Variants in KMT2E observed in about 807,000 individuals in gnomAD.
KMT2E encodes lysine methyltransferase 2E (inactive).
A neutral mutation model predicts 184.6 loss-of-function variants in KMT2E; 30 were observed. That is an observed-to-expected ratio of 0.16 (90% CI 0.12 to 0.22). KMT2E has a LOEUF of 0.22. KMT2E is among the 10% of genes least tolerant of loss of function. The pLI, the probability that KMT2E is intolerant of heterozygous loss-of-function variation, is 1.00. For missense variants in KMT2E, 2,023 were observed against 2,237.4 expected, an observed-to-expected ratio of 0.90 and a Z score of 1.93; for synonymous variants, 815 against 776.5, an observed-to-expected ratio of 1.05 and a Z score of -0.82.
chr7:105,027,688 A>G (rs1000316704), intron 1 of KMT2E, among the ~76,000 whole-genome samples: 4 of 151,986 alleles, frequency 2.6e-5, no homozygotes, highest in African/African-American at 7.2e-5. Flanking sequence ...TTGTTTTTCT[A>G]TTTACATTAC....
Position 105,014,330 on chromosome 7 carries a change from G to A in KMT2E, c.-394G>A, listed in dbSNP as rs1794617617. The A allele has an allele frequency of 6.4e-6, 1 of 155,938 alleles. No homozygotes were observed. The highest frequency in any genetic ancestry group is 1.4e-5 in the Non-Finnish European group (1 of 70,080). 9.7% of individuals were successfully genotyped at this position (155,938 alleles called of 1,614,324 possible). A position where few individuals can be genotyped will look rare whatever the true frequency, so the allele number is the denominator to read the frequency against. On this transcript the variant is annotated 5_prime_UTR_variant, in exon 1 of 27. Transcript: ENST00000311117. ...GCCTCGCCGTCGTCTCTGCGTTCCTGTTGACTGCCTGGCTGCCCCCTCCCC... is the reference window on the plus strand; with the variant it reads ...GCCTCGCCGTCGTCTCTGCGTTCCTATTGACTGCCTGGCTGCCCCCTCCCC...
chr7:105,036,816 A>C (rs995977182), intron 1 of KMT2E, among the ~76,000 whole-genome samples: 5 of 152,194 alleles, frequency 3.3e-5, no homozygotes, highest in African/African-American at 1.2e-4. Flanking sequence ...GTTTTTTAGA[A>C]TCTAAAATTC....
intron 1 of KMT2E, among the ~76,000 whole-genome samples, chr7:105,019,685 TC>T (rs1794865959): frequency 6.6e-6 from 1 of 152,176 alleles, no homozygotes. Context: ...TAAGCAATGA[TC>T]TATGTAGCTT....
At chr7:105,040,455 T>C (rs1795830478) in intron 2 of KMT2E, among the ~76,000 whole-genome samples, 1 of 152,196 alleles carries the variant, frequency 6.6e-6, no homozygotes, top group East Asian at 1.9e-4. Flanking sequence ...AAAAGCTGAT[T>C]ATGGTGCTTA....
intron 15 of KMT2E, among the ~76,000 whole-genome samples, chr7:105,096,247 C>CA (rs11330758): frequency 0.065 from 4,443 of 68,404 alleles, 110 homozygotes; most frequent in Non-Finnish European, 0.077. Flanking sequence ...GTGAAAGGCT[C>CA]AAAAAAAAAA....
At position 105,014,208 on chromosome 7, in the gene KMT2E, G is replaced by C. The variant is rs1361055212; in HGVS notation, c.-516G>C. The C allele has an allele frequency of 1.0e-5, 2 of 200,658 alleles. No individual in the cohort carries two copies. The highest frequency in any genetic ancestry group is 2.4e-5 in the African/African-American group (1 of 42,044). The allele number at this position is 200,658 out of a possible 1,614,324, so 12.4% of individuals were successfully genotyped here. On this transcript the variant is annotated 5_prime_UTR_variant, in exon 1 of 27. Transcript: ENST00000311117. ...CCGCCGCCGCCGCCATTTTCCCAGA[G>C]CGAGAGGCAGTGACACTGAGCGGGC...
rs149990670 is a variant in KMT2E at position 105,111,918 on chromosome 7, G to A, written c.4162G>A (p.Glu1388Lys). 5.9e-5 allele frequency: 96 copies of A among 1,613,978 alleles called. No individual in the cohort carries two copies. The highest frequency in any genetic ancestry group is 7.6e-5 in the Non-Finnish European group (90 of 1,180,026). ...PQWDSTVSAS[E>K]AENGVHLKTE... The stretch of plus-strand genomic sequence containing the variant: ...ATGGGACTCCACAGTTAGTGCATCC[G>A]AAGCTGAAAATGGTGTTCACCTAAA... The change falls in exon 27 of 27, where the codon GAA (glutamate) becomes AAA (lysine). Residue 1388 changes from glutamate (E) to lysine (K), a missense_variant. Around this residue, in one of 8 missense-constraint regions of KMT2E, gnomAD observed 1,108 missense variants for 1,050.9 expected, o/e 1.05. Transcript: ENST00000311117.
chr7:105,071,610 T>TA (rs1797319913), intron 6 of KMT2E, among the ~76,000 whole-genome samples: 88 of 37,748 alleles, frequency 2.3e-3, no homozygotes, highest in Non-Finnish European at 2.7e-3. Context: ...ATATATATAT[T>TA]TTTTTTTTTT....
rs372538697 is a variant in KMT2E at position 105,102,212 on chromosome 7, G to T, written c.2196+18G>T. On this transcript the variant is annotated intron_variant, in intron 17 of 26. Coordinates refer to ENST00000311117, the MANE Select transcript of KMT2E (RefSeq NM_182931.3). Reference sequence around the variant, plus strand: ...CAAAGAAGGTATGATTCTAATGAATGTAAGAACTGTTTTTCTAACAGTTTC... The same window carrying T: ...CAAAGAAGGTATGATTCTAATGAATTTAAGAACTGTTTTTCTAACAGTTTC... The T allele has an allele frequency of 6.5e-7, 1 of 1,550,180 alleles. No individual in the cohort carries two copies. The highest frequency in any genetic ancestry group is 2.4e-5 in the East Asian group (1 of 42,534).
At chr7:105,108,510 T>C (rs1244269976) in intron 22 of KMT2E, 1 of 451,176 alleles carries the variant, frequency 2.2e-6, no homozygotes, top group African/African-American at 2.0e-5. Context: ...AGTCCAAGAA[T>C]TTTCGTGATG....
Position 105,107,664 on chromosome 7 carries a change from G to A in KMT2E, c.3207G>A (p.Lys1069=), listed in dbSNP as rs1453787214. 6.2e-7 allele frequency: 1 copy of A among 1,614,010 alleles called. No homozygotes were observed. Among genetic ancestry groups the A allele is most frequent in the Admixed American group, 1.7e-5 (1 of 59,964 alleles). Residue 1069 remains lysine, a synonymous_variant, in exon 22 of 27, where the codon AAG becomes AAA. Transcript: ENST00000311117. ...GRGTMYSSWV[K]SPDRTGVNFS... ...GCACAATGTATTCTTCCTGGGTAAA[G>A]AGCCCTGACAGAACAGGAGTTAACT...
Position 105,107,497 on chromosome 7 carries a change from C to G in KMT2E, c.3040C>G (p.Pro1014Ala), listed in dbSNP as rs761151643. ...TAGGACTGAAGTCAACAGGCAGTGTCCTGGAGAAAAGGAACCTGTGTCAGA... is the reference window on the plus strand; with the variant it reads ...TAGGACTGAAGTCAACAGGCAGTGTGCTGGAGAAAAGGAACCTGTGTCAGA... ...RSRTEVNRQC[P>A]GEKEPVSDLQ... Residue 1014 changes from proline to alanine, a missense_variant, in exon 22 of 27, where the codon CCT becomes GCT. Transcript: ENST00000311117. 8 of 1,613,992 alleles carry G rather than the reference C, an allele frequency of 5.0e-6. No individual in the cohort carries two copies. In the African/African-American group the frequency reaches 6.7e-5, roughly 13 times the overall value.
chr7:105,106,810 T>TG, intron 20 of KMT2E, 38 bp downstream of exon 20: 1 of 1,592,514 alleles, frequency 6.3e-7, no homozygotes, highest in Non-Finnish European at 8.6e-7. Context: ...ATTCAACACT[T>TG]GGGGGGATGG....
intron 1 of KMT2E, among the ~76,000 whole-genome samples, chr7:105,032,816 G>A (rs1480104119): frequency 6.6e-6 from 1 of 152,178 alleles, no homozygotes; most frequent in Non-Finnish European, 1.5e-5. Flanking sequence ...GGATTTTGTT[G>A]TTGTTTGATT....
At chr7:105,106,359 C>G (rs1798897733) in intron 19 of KMT2E, among the ~76,000 whole-genome samples, 163 bp from the exon 20 acceptor site, 1 of 152,140 alleles carries the variant, frequency 6.6e-6, no homozygotes, top group Non-Finnish European at 1.5e-5. Flanking sequence ...AAAGGGGGCA[C>G]TGCTTCATGT....
intron 6 of KMT2E, among the ~76,000 whole-genome samples, chr7:105,069,119 T>C (rs1797176025): frequency 6.6e-6 from 1 of 152,098 alleles, no homozygotes; most frequent in Admixed American, 6.5e-5. Context: ...AAATTCAGAG[T>C]TGGCTTTCAA....
At chr7:105,034,899 A>C (rs1795571716) in intron 1 of KMT2E, among the ~76,000 whole-genome samples, 1 of 151,776 alleles carries the variant, frequency 6.6e-6, no homozygotes, top group South Asian at 2.1e-4. Flanking sequence ...TTTGTCACCC[A>C]GTCTGGAGTG....
intron 1 of KMT2E, among the ~76,000 whole-genome samples, chr7:105,026,589 G>C (rs1484425636): frequency 6.6e-6 from 1 of 152,154 alleles, no homozygotes; most frequent in Non-Finnish European, 1.5e-5. Flanking sequence ...TTTTTCAAAT[G>C]TAAGCCTGTA....
chr7:105,063,394 C>T lies in KMT2E; in HGVS notation c.230C>T (p.Ser77Phe). The T allele has an allele frequency of 6.2e-7, 1 of 1,613,296 alleles. No homozygotes were observed. The highest frequency in any genetic ancestry group is 8.5e-7 in the Non-Finnish European group (1 of 1,179,636). ...GARPPPTPPA[S>F]PPPSVLISKN... ...CGTCCTCCTCCGACACCTCCGGCTT[C>T]CCCTCCTCCATCAGTCCTTATTAGC... Residue 77 changes from serine (S) to phenylalanine (F), a missense_variant, in exon 5 of 27, where the codon TCC (serine) becomes TTC (phenylalanine). Physicochemically the swap from Ser to Phe is radical, Grantham distance 155. This residue lies in a region of KMT2E where 48 missense variants were observed against 51.5 expected (regional missense o/e 0.93). Coordinates refer to ENST00000311117, the MANE Select transcript of KMT2E (RefSeq NM_182931.3).
Sources: gnomAD v4.1 joint callset for allele counts (sites outside exome capture counted in the v4.1 genomes callset) on GRCh38, gnomAD v4.1.1 for gene constraint, gnomAD v4.1.1 regional missense constraint, MANE v1.5 for transcripts, NCBI Gene and HGNC (gene_info 2026-07-23, HGNC 2026-07-21) for gene names.